Variants in TRIM5 observed in about 807,000 individuals in gnomAD.
TRIM5 encodes the protein tripartite motif-containing protein 5.
TRIM5 carries 31 observed loss-of-function variants against 35.6 expected under a neutral mutation model. The ratio of observed to expected loss-of-function variants is 0.87; its 90% confidence interval spans 0.65 to 1.18. The LOEUF is 1.18. Among genes scored for constraint, TRIM5 ranks in the 50% most tolerant of loss-of-function variants. The probability of loss-of-function intolerance (pLI) is 0.00; values close to 1 mark genes in which losing one functional copy is unlikely to be tolerated. For missense variants in TRIM5, 609 were observed against 591.6 expected (o/e 1.03, Z -0.31); for synonymous variants, 243 against 215.6 (o/e 1.13, Z -1.11).
At chr11:5,615,317 C>A in the TRIM5 span, among the ~76,000 whole-genome samples, 1 of 152,104 alleles carries the variant, frequency 6.6e-6, no homozygotes, top group Non-Finnish European at 1.5e-5. Flanking sequence ...ATCTTTACTG[C>A]TTTTCTATGA....
chr11:5,673,257 C>A (rs565519772), intron 4 of TRIM5, among the ~76,000 whole-genome samples: 2 of 151,922 alleles, frequency 1.3e-5, no homozygotes, highest in African/African-American at 4.8e-5. Flanking sequence ...AAGCAGTAAC[C>A]ATAAGACAAC....
At chr11:5,632,678 G>C in the TRIM5 span, 1 of 1,612,860 alleles carries the variant, frequency 6.2e-7, no homozygotes. Flanking sequence ...AAAGTCATTT[G>C]CTGGCTTTGT....
chr11:5,674,629 C>G (rs1297401741), intron 4 of TRIM5, among the ~76,000 whole-genome samples: 1 of 152,238 alleles, frequency 6.6e-6, no homozygotes, highest in African/African-American at 2.4e-5. Flanking sequence ...ATCTCACAGC[C>G]TAGGCTCTAG....
the TRIM5 span, chr11:5,642,920 A>T: frequency 6.3e-7 from 1 of 1,585,808 alleles, no homozygotes; most frequent in South Asian, 1.1e-5. Context: ...ATATCTTCTG[A>T]TCTTAGCCTC....
At chr11:5,634,553 C>G in the TRIM5 span, 1 of 1,059,010 alleles carries the variant, frequency 9.4e-7, no homozygotes, top group African/African-American at 1.9e-5. Flanking sequence ...ATATATTTCC[C>G]TACTGGCTCC....
the TRIM5 span, chr11:5,605,531 G>A: frequency 1.2e-6 from 2 of 1,614,036 alleles, no homozygotes; most frequent in Non-Finnish European, 1.7e-6. Flanking sequence ...CGGATCTGGA[G>A]CGTCGATGTC....
chr11:5,629,783 C>T, the TRIM5 span, among the ~76,000 whole-genome samples: 1 of 152,206 alleles, frequency 6.6e-6, no homozygotes, highest in African/African-American at 2.4e-5. Flanking sequence ...TCTCGGCTCA[C>T]TGGAAGCTCT....
the TRIM5 span, chr11:5,634,954 T>C: frequency 7.0e-7 from 1 of 1,421,706 alleles, no homozygotes; most frequent in Non-Finnish European, 9.4e-7. Flanking sequence ...AGGGGTTTCT[T>C]TGGCCTTGCA....
chr11:5,644,213 A>G, the TRIM5 span: 3 of 398,792 alleles, frequency 7.5e-6, no homozygotes, highest in African/African-American at 4.1e-5. Flanking sequence ...TTTGAGCTCA[A>G]ACCTTGCCTG....
the TRIM5 span, among the ~76,000 whole-genome samples, chr11:5,614,762 A>G: frequency 2.0e-5 from 3 of 152,240 alleles, no homozygotes; most frequent in African/African-American, 7.2e-5. Context: ...TTCTAACTTA[A>G]AAATAATCTT....
chr11:5,653,953 G>A, the TRIM5 span, among the ~76,000 whole-genome samples: 1 of 151,962 alleles, frequency 6.6e-6, no homozygotes, highest in Non-Finnish European at 1.5e-5. Context: ...GCTCTAGAGT[G>A]TATATTTTTT....
At chr11:5,670,577 C>T (rs946924926) in intron 4 of TRIM5, among the ~76,000 whole-genome samples, 4 of 152,068 alleles carry the variant, frequency 2.6e-5, no homozygotes, top group Non-Finnish European at 5.9e-5. Flanking sequence ...ATGCTAAAGA[C>T]ACACACATAT....
chr11:5,628,386 C>G, the TRIM5 span, among the ~76,000 whole-genome samples: 22 of 152,244 alleles, frequency 1.4e-4, no homozygotes, highest in African/African-American at 5.3e-4. Flanking sequence ...AACTCCTTGT[C>G]TTACTAGTCA....
At chr11:5,669,061 G>C (rs1851358347) in intron 4 of TRIM5, among the ~76,000 whole-genome samples, 1 of 150,710 alleles carries the variant, frequency 6.6e-6, no homozygotes. Flanking sequence ...GTCTCTAACA[G>C]GACAGTTTGG....
At chr11:5,605,849 C>G in the TRIM5 span, among the ~76,000 whole-genome samples, 94 of 152,312 alleles carry the variant, frequency 6.2e-4, 1 homozygote, top group Non-Finnish European at 2.1e-4. Flanking sequence ...TGATGTTGTT[C>G]TTTCTTTCTC....
At chr11:5,657,697 A>T in the TRIM5 span, among the ~76,000 whole-genome samples, 4 of 129,060 alleles carry the variant, frequency 3.1e-5, no homozygotes, top group Admixed American at 1.8e-4. Context: ...TTTATAATAT[A>T]ATATATATAA....
At chr11:5,590,448 T>A in the TRIM5 span, 1 of 152,472 alleles carries the variant, frequency 6.6e-6, no homozygotes, top group African/African-American at 2.4e-5. Flanking sequence ...ATCAGCACCC[T>A]GTGTCTAGCT....
chr11:5,633,770 A>G, the TRIM5 span: 1 of 1,596,234 alleles, frequency 6.3e-7, no homozygotes, highest in Non-Finnish European at 8.5e-7. Flanking sequence ...AAGAAAGCTT[A>G]TAGCTTGACT....
the TRIM5 span, chr11:5,643,889 T>C: frequency 1.2e-6 from 1 of 803,700 alleles, no homozygotes; most frequent in South Asian, 2.3e-5. Flanking sequence ...TCATTTACTC[T>C]TTTTCATATT....
Sources: allele counts gnomAD v4.1 joint callset (sites outside exome capture counted in the v4.1 genomes callset), GRCh38; gene constraint gnomAD v4.1.1; transcripts MANE v1.5; gene names NCBI Gene and HGNC (gene_info 2026-07-23, HGNC 2026-07-21).